The following DOK5 variants were observed in gnomAD, a reference collection of about 807,000 sequenced individuals.
DOK5 encodes docking protein 5.
A neutral mutation model predicts 43.3 loss-of-function variants in DOK5; 27 were observed. That is an observed-to-expected ratio of 0.62 (90% CI 0.46 to 0.86). The LOEUF (loss-of-function observed/expected upper bound fraction) is 0.86, where lower values mean the gene tolerates loss of function less well. Among genes scored for constraint, DOK5 ranks in the 40% least tolerant of loss-of-function variants. DOK5 has a pLI of 0.00. For missense variants in DOK5, 373 were observed against 392.9 expected, an observed-to-expected ratio of 0.95 and a Z score of 0.43; for synonymous variants, 146 against 140.1, an observed-to-expected ratio of 1.04 and a Z score of -0.30.
At chr20:54,547,796 A>ACTGTGTGATGTGCTTATCTG (rs1190542643) in intron 1 of DOK5, among the ~76,000 whole-genome samples, 1 of 152,210 alleles carries the variant, frequency 6.6e-6, no homozygotes, top group Admixed American at 6.5e-5. Flanking sequence ...GCTTATTAGA[A>ACTGTGTGATGTGCTTATCTG]CTGTGTGATG....
At chr20:54,630,347 GTGTTT>G (rs1472789037) in intron 6 of DOK5, among the ~76,000 whole-genome samples, 3 of 152,200 alleles carry the variant, frequency 2.0e-5, no homozygotes, top group African/African-American at 7.2e-5. Context: ...GTTTCTGTGT[GTGTTT>G]TAACCAGAAC....
intron 2 of DOK5, among the ~76,000 whole-genome samples, chr20:54,575,154 T>G (rs1040153283): frequency 5.3e-5 from 8 of 152,204 alleles, no homozygotes; most frequent in South Asian, 2.1e-4. Flanking sequence ...ACACGGAACA[T>G]TCTGCAAGAA....
chr20:54,476,089 G>T (rs1432585090), intron 1 of DOK5, 77 bp downstream of exon 1: 6 of 1,590,982 alleles, frequency 3.8e-6, no homozygotes, highest in Non-Finnish European at 5.1e-6. Context: ...CTGGAGGGTG[G>T]ACGGAGAGTC....
In DOK5 at chr20:54,649,505, G is replaced by A. The variant is rs544730383; in HGVS notation, c.857-910G>A. ...TCCACTGGCTGCAATCCTGTTTCTT[G>A]TGCCTGCTTGATCCACACATTTACT... On this transcript the variant is annotated intron_variant, in intron 7 of 7. Transcript: ENST00000262593. 1.4e-3 allele frequency among the ~76,000 whole-genome samples: 208 copies of A among 152,346 alleles called. 2 individuals are homozygous for A. Among genetic ancestry groups the A allele is most frequent in the Non-Finnish European group, 2.1e-3 (145 of 68,028 alleles).
intron 1 of DOK5, among the ~76,000 whole-genome samples, chr20:54,504,356 A>G (rs938151880): frequency 6.6e-6 from 1 of 152,250 alleles, no homozygotes; most frequent in Non-Finnish European, 1.5e-5. Context: ...CTAAAAATAA[A>G]TACAATGAAA....
chr20:54,557,127 C>T (rs890424171), intron 2 of DOK5, among the ~76,000 whole-genome samples: 4 of 152,110 alleles, frequency 2.6e-5, no homozygotes, highest in Non-Finnish European at 5.9e-5. Flanking sequence ...AATTCTTGGG[C>T]TTCTAGAGTC....
At chr20:54,625,089 T>G (rs1157142853) in intron 6 of DOK5, among the ~76,000 whole-genome samples, 23 of 152,172 alleles carry the variant, frequency 1.5e-4, no homozygotes, top group Admixed American at 1.5e-3. Context: ...TTGGTAACAT[T>G]TGGATGATAG....
At chr20:54,504,640 A>G (rs28688666) in intron 1 of DOK5, among the ~76,000 whole-genome samples, 4,993 of 152,270 alleles carry the variant, frequency 0.033, 277 homozygotes, top group African/African-American at 0.11. Flanking sequence ...GTGTCATGCT[A>G]TCCTTGGCCT....
chr20:54,494,536 A>T (rs1391548471), intron 1 of DOK5, among the ~76,000 whole-genome samples: 1 of 152,184 alleles, frequency 6.6e-6, no homozygotes, highest in East Asian at 1.9e-4. Context: ...CTGAGCTGGT[A>T]CTTAGTTGGG....
chr20:54,542,408 A>T (rs967727425), intron 1 of DOK5, among the ~76,000 whole-genome samples: 1 of 152,236 alleles, frequency 6.6e-6, no homozygotes, highest in Non-Finnish European at 1.5e-5. Context: ...TCGAAGCTAG[A>T]CAAATAAATA....
chr20:54,585,558 T>G (rs1346598677), intron 2 of DOK5, among the ~76,000 whole-genome samples: 1 of 152,204 alleles, frequency 6.6e-6, no homozygotes, highest in Non-Finnish European at 1.5e-5. Context: ...TCCACCTCAA[T>G]TTTTAACCAT....
intron 6 of DOK5, among the ~76,000 whole-genome samples, chr20:54,612,501 T>C (rs1413287606): frequency 2.0e-5 from 3 of 152,214 alleles, no homozygotes; most frequent in African/African-American, 7.2e-5. Context: ...TTTGAAATGA[T>C]AGATTGAGTA....
chr20:54,649,647 T>A (rs1386722126), intron 7 of DOK5, among the ~76,000 whole-genome samples: 1 of 152,194 alleles, frequency 6.6e-6, no homozygotes, highest in Non-Finnish European at 1.5e-5. Context: ...CAGTAGAACC[T>A]CTAGTTTTTG....
At chr20:54,579,117 T>C (rs946188435) in intron 2 of DOK5, among the ~76,000 whole-genome samples, 4 of 152,224 alleles carry the variant, frequency 2.6e-5, no homozygotes, top group African/African-American at 9.6e-5. Flanking sequence ...ATTTATTTAT[T>C]ATTTTTTGCC....
intron 1 of DOK5, among the ~76,000 whole-genome samples, chr20:54,535,576 C>T (rs1983934641): frequency 1.3e-5 from 2 of 151,384 alleles, no homozygotes; most frequent in African/African-American, 4.9e-5. Context: ...TTTGCTACAG[C>T]TTGTTTTTAA....
chr20:54,572,693 T>G (rs6014060), intron 2 of DOK5, among the ~76,000 whole-genome samples: 3,784 of 152,300 alleles, frequency 0.025, 158 homozygotes, highest in African/African-American at 0.087. Context: ...CCCTTTTTTT[T>G]GTAGGTCTTG....
At chr20:54,619,034 T>TAC (rs1568814447) in intron 6 of DOK5, among the ~76,000 whole-genome samples, 1 of 67,972 alleles carries the variant, frequency 1.5e-5, no homozygotes, top group Non-Finnish European at 2.6e-5. Context: ...TATATATATA[T>TAC]ATATATATAT....
intron 6 of DOK5, among the ~76,000 whole-genome samples, chr20:54,642,689 C>G (rs1264968780): frequency 6.6e-6 from 1 of 152,008 alleles, no homozygotes; most frequent in Non-Finnish European, 1.5e-5. Context: ...TGCTACCACA[C>G]TCCAGCCTTG....
intron 6 of DOK5, among the ~76,000 whole-genome samples, chr20:54,613,635 T>C (rs1161396829): frequency 2.6e-5 from 4 of 152,240 alleles, no homozygotes; most frequent in African/African-American, 9.6e-5. Flanking sequence ...TCTCTTTAAA[T>C]ATCATCTGCA....
Sources: gnomAD v4.1 joint callset for allele counts (sites outside exome capture counted in the v4.1 genomes callset) on GRCh38, gnomAD v4.1.1 for gene constraint, MANE v1.5 for transcripts, NCBI Gene and HGNC (gene_info 2026-07-23, HGNC 2026-07-21) for gene names.